The following GMPS variants were observed in gnomAD, a reference collection of about 807,000 sequenced individuals.
GMPS encodes GMP synthase [glutamine-hydrolyzing].
Under a neutral mutation model 77.9 loss-of-function variants are expected in GMPS, and 15 were observed. The observed-to-expected ratio is 0.19, with a 90% CI of 0.13 to 0.30. GMPS has a LOEUF of 0.30. Ranked by LOEUF, GMPS falls within the 10% of genes least tolerant of loss-of-function variation. The pLI is 1.00. For synonymous variants in GMPS, 224 were observed against 275.9 expected, an observed-to-expected ratio of 0.81 and a Z score of 1.86; for missense variants, 590 against 838.8, an observed-to-expected ratio of 0.70 and a Z score of 3.66.
At chr3:155,880,319 A>T (rs1754182878) in intron 1 of GMPS, among the ~76,000 whole-genome samples, 1 of 152,032 alleles carries the variant, frequency 6.6e-6, no homozygotes, top group African/African-American at 2.4e-5. Context: ...GATTTGGATG[A>T]TTGTTGGCCT....
At chr3:155,899,430 TTC>T (rs1491575079) in intron 3 of GMPS, among the ~76,000 whole-genome samples, 18 of 103,340 alleles carry the variant, frequency 1.7e-4, no homozygotes, top group African/African-American at 7.3e-4. Context: ...TACTCTTCTT[TTC>T]TTTTTTTTTT....
intron 14 of GMPS, among the ~76,000 whole-genome samples, chr3:155,935,617 G>A (rs920101846): frequency 6.6e-6 from 1 of 152,212 alleles, no homozygotes; most frequent in Non-Finnish European, 1.5e-5. Flanking sequence ...TTTGAACAAG[G>A]TGACGCTATG....
intron 12 of GMPS, among the ~76,000 whole-genome samples, chr3:155,930,021 T>C (rs1450570876): frequency 2.4e-4 from 35 of 144,982 alleles, no homozygotes; most frequent in South Asian, 9.4e-4. Context: ...CTAAAGTTCA[T>C]ATGGAACCAA....
chr3:155,933,878 C>A (rs576351391), intron 13 of GMPS, among the ~76,000 whole-genome samples: 1 of 152,316 alleles, frequency 6.6e-6, no homozygotes, highest in Admixed American at 6.5e-5. Flanking sequence ...TTGTCTGATT[C>A]TAATTTCCTC....
intron 13 of GMPS, among the ~76,000 whole-genome samples, chr3:155,933,461 A>C (rs1755679866): frequency 2.0e-5 from 3 of 152,172 alleles, no homozygotes; most frequent in Admixed American, 2.0e-4. Flanking sequence ...GCATTCTCTT[A>C]ACTTTCTCCT....
At chr3:155,914,310 T>G in intron 7 of GMPS, 109 bp from the exon 8 acceptor site, 1 of 722,784 alleles carries the variant, frequency 1.4e-6, no homozygotes, top group Non-Finnish European at 2.1e-6. Context: ...ATCAAAGGAC[T>G]GCTCTTCAGA....
intron 1 of GMPS, among the ~76,000 whole-genome samples, chr3:155,885,755 T>G (rs766119172): frequency 6.6e-6 from 1 of 152,352 alleles, no homozygotes; most frequent in East Asian, 1.9e-4. Context: ...AACCTGTATA[T>G]AGAAAGAGAC....
At chr3:155,914,606 T>C in intron 8 of GMPS, 36 bp downstream of exon 8, 1 of 1,341,252 alleles carries the variant, frequency 7.5e-7, no homozygotes, top group Non-Finnish European at 1.0e-6. Flanking sequence ...CATGTACTAT[T>C]TTTGATGTGA....
chr3:155,910,230 G>C (rs545983254), intron 5 of GMPS, among the ~76,000 whole-genome samples: 2 of 152,198 alleles, frequency 1.3e-5, no homozygotes, highest in Non-Finnish European at 2.9e-5. Flanking sequence ...CTGGGCAACA[G>C]AGCGAGACTC....
intron 1 of GMPS, among the ~76,000 whole-genome samples, chr3:155,891,881 C>T (rs1354108371): frequency 6.6e-6 from 1 of 152,140 alleles, no homozygotes; most frequent in Admixed American, 6.6e-5. Flanking sequence ...GCTGCGATTA[C>T]AGCTGTGAGC....
chr3:155,877,933 C>G (rs1265461940), intron 1 of GMPS, among the ~76,000 whole-genome samples: 1 of 151,954 alleles, frequency 6.6e-6, no homozygotes, highest in Non-Finnish European at 1.5e-5. Context: ...GCCACCATGC[C>G]CAGCTAATTT....
chr3:155,906,627 T>C (rs1417816632), intron 5 of GMPS, among the ~76,000 whole-genome samples: 2 of 152,222 alleles, frequency 1.3e-5, no homozygotes, highest in African/African-American at 4.8e-5. Context: ...ATTCCTTTCT[T>C]AGGTGTACAT....
intron 1 of GMPS, among the ~76,000 whole-genome samples, chr3:155,882,789 A>G (rs190495400): frequency 4.8e-4 from 73 of 152,350 alleles, no homozygotes; most frequent in African/African-American, 1.7e-3. Flanking sequence ...AGTTTGCTTA[A>G]AAACGTTCCT....
At chr3:155,875,963 A>G (rs78972397) in intron 1 of GMPS, among the ~76,000 whole-genome samples, 4 of 152,308 alleles carry the variant, frequency 2.6e-5, no homozygotes, top group African/African-American at 9.6e-5. Flanking sequence ...ACATGAGCAT[A>G]AAAAAAGAAG....
At chr3:155,925,900 ATGT>A (rs2108132871) in intron 12 of GMPS, among the ~76,000 whole-genome samples, 1 of 152,242 alleles carries the variant, frequency 6.6e-6, no homozygotes, top group East Asian at 1.9e-4. Flanking sequence ...CATTCTACTG[ATGT>A]TGTGTTTATT....
rs144849179 is a variant in GMPS, at chr3:155,937,535, T to G, written c.1981-56T>G. On this transcript the variant is annotated intron_variant, in intron 15 of 15. Transcript: ENST00000496455. ...TTTCAAATTACAAATGTAAGCCCTC[T>G]AGGACTGCTGGACATGCAGTGGATG... 320 of 788,678 alleles carry G rather than the reference T, an allele frequency of 4.1e-4. 1 individual carries two copies. The African/African-American group carries it at 5.1e-3, about 12-fold the overall frequency. 48.9% of individuals were successfully genotyped at this position (788,678 alleles called of 1,614,324 possible).
chr3:155,914,995 C>T (rs183461251), intron 8 of GMPS, among the ~76,000 whole-genome samples: 27 of 151,926 alleles, frequency 1.8e-4, no homozygotes, highest in African/African-American at 6.5e-4. Flanking sequence ...GTCCGGATCT[C>T]CTGACCTCAT....
intron 12 of GMPS, among the ~76,000 whole-genome samples, chr3:155,929,462 G>A (rs1473646445): frequency 4.0e-5 from 6 of 150,594 alleles, no homozygotes; most frequent in Non-Finnish European, 7.4e-5. Context: ...ACAAGACAGG[G>A]ATGCCCTCTC....
chr3:155,931,367 G>A (rs1486357215), intron 12 of GMPS, among the ~76,000 whole-genome samples: 1 of 151,550 alleles, frequency 6.6e-6, no homozygotes, highest in Admixed American at 6.6e-5. Flanking sequence ...TGTATTTTTA[G>A]TAGAGATGGG....
Sources: gnomAD v4.1 joint callset for allele counts (sites outside exome capture counted in the v4.1 genomes callset) on GRCh38, gnomAD v4.1.1 for gene constraint, MANE v1.5 for transcripts, NCBI Gene and HGNC (gene_info 2026-07-23, HGNC 2026-07-21) for gene names.